The following PGBD5 variants were observed in gnomAD, a reference collection of about 807,000 sequenced individuals.
The protein encoded by PGBD5 is piggyBac transposable element derived 5.
PGBD5 carries 14 observed loss-of-function variants against 47.9 expected under a neutral mutation model. That is an observed-to-expected ratio of 0.29 (90% CI 0.19 to 0.46). PGBD5 has a LOEUF of 0.46. Ranked by LOEUF, PGBD5 falls within the 20% of genes least tolerant of loss-of-function variation. The pLI is 1.00. For synonymous variants in PGBD5, 316 were observed against 306.3 expected (o/e 1.03, Z -0.33); for missense variants, 635 against 716.0 (o/e 0.89, Z 1.29).
At chr1:230,332,505 C>T (rs942023121) in intron 5 of PGBD5, among the ~76,000 whole-genome samples, 6 of 152,180 alleles carry the variant, frequency 3.9e-5, no homozygotes, top group African/African-American at 2.4e-5. Context: ...TCCATCAGAA[C>T]GGATTTTTCA....
chr1:230,412,783 G>A (rs895596357), intron 1 of PGBD5, among the ~76,000 whole-genome samples: 1 of 152,182 alleles, frequency 6.6e-6, no homozygotes, highest in Non-Finnish European at 1.5e-5. Flanking sequence ...AGGGGTGGAG[G>A]TGGAAGAAAA....
At chr1:230,333,845 G>A (rs1056816137) in intron 4 of PGBD5, among the ~76,000 whole-genome samples, 5 of 152,134 alleles carry the variant, frequency 3.3e-5, no homozygotes, top group Non-Finnish European at 7.4e-5. Flanking sequence ...AACACCCACC[G>A]CGGACTTGCT....
chr1:230,364,156 C>A (rs1002824442), intron 1 of PGBD5, among the ~76,000 whole-genome samples: 1 of 152,236 alleles, frequency 6.6e-6, no homozygotes, highest in African/African-American at 2.4e-5. Context: ...AAACTTGATT[C>A]TCAGCTCTAT....
rs747306411 is a variant in PGBD5, at chr1:230,404,611, C to CA, written c.331+20986dup. Among the ~76,000 whole-genome samples, 421 of 100,306 alleles carry CA rather than the reference C, an allele frequency of 4.2e-3. 1 individual carries two copies. Among genetic ancestry groups the CA allele is most frequent in the East Asian group, 0.017 (67 of 3,830 alleles). 65.8% of individuals were successfully genotyped at this position (100,306 alleles called of 152,430 possible). ...GGTGAGACAGAGCAAAGTCTTGTCT[C>CA]AAAAAAAAAAAAAAAAAAATATATA... is the stretch of plus-strand genomic sequence containing the variant. On this transcript the variant is annotated intron_variant, in intron 1 of 6. Transcript: ENST00000391860.
chr1:230,332,730 G>T, intron 5 of PGBD5, 114 bp downstream of exon 5: 1 of 1,245,884 alleles, frequency 8.0e-7, no homozygotes. Flanking sequence ...AGGGTAGTCT[G>T]ACCCCAGAGC....
chr1:230,412,535 C>A (rs1657433672), intron 1 of PGBD5, among the ~76,000 whole-genome samples: 2 of 151,854 alleles, frequency 1.3e-5, no homozygotes, highest in Non-Finnish European at 2.9e-5. Context: ...ACTACAGGCA[C>A]CCACCACCAC....
intron 1 of PGBD5, among the ~76,000 whole-genome samples, chr1:230,365,386 C>G (rs1667811450): frequency 1.3e-5 from 2 of 151,746 alleles, no homozygotes; most frequent in South Asian, 4.2e-4. Flanking sequence ...GGTCACATGA[C>G]AAAGGGCTGG....
chr1:230,360,027 C>T (rs1011195494), intron 1 of PGBD5, among the ~76,000 whole-genome samples: 1 of 152,220 alleles, frequency 6.6e-6, no homozygotes, highest in Non-Finnish European at 1.5e-5. Flanking sequence ...TATTTCAGCA[C>T]AGCCTTGCAG....
intron 5 of PGBD5, among the ~76,000 whole-genome samples, chr1:230,326,156 G>T (rs1218885084): frequency 6.6e-6 from 1 of 152,224 alleles, no homozygotes; most frequent in Non-Finnish European, 1.5e-5. Context: ...GGTGGCTCAC[G>T]CCTGTAACCC....
rs1657771888 is a variant in PGBD5 at position 230,425,922 on chromosome 1, C to T, written c.7G>A (p.Glu3Lys). The T allele has an allele frequency of 9.2e-7, 1 of 1,087,864 alleles. No individual in the cohort carries two copies. 67.4% of individuals were successfully genotyped at this position (1,087,864 alleles called of 1,614,324 possible). The change falls in exon 1 of 7, where the codon GAG becomes AAG. Residue 3 changes from glutamate (E) to lysine (K), a missense_variant. By Grantham distance (56) the Glu-to-Lys change is moderately conservative (BLOSUM62 1). Transcript: ENST00000391860. This position sits in a 1 kb window ranked among gnomAD's most constrained non-coding sequence, Gnocchi z 4.7. The part of the protein sequence containing the change: MA[E>K]GGGGARRRAP... ...CTCCTCCGCGCGCCCCCGCCGCCCT[C>T]GGCCATGGCCCCGGCCGCCGCCCGC...
chr1:230,408,751 G>A (rs1296147051), intron 1 of PGBD5, among the ~76,000 whole-genome samples: 2 of 152,104 alleles, frequency 1.3e-5, no homozygotes, highest in African/African-American at 4.8e-5. Context: ...AAATGATCAA[G>A]CTCTTAGAAG....
intron 4 of PGBD5, 41 bp downstream of exon 4, chr1:230,337,067 G>A (rs533524284): frequency 1.3e-5 from 21 of 1,592,862 alleles, no homozygotes; most frequent in Admixed American, 5.1e-5. Context: ...TTTCCCAGGG[G>A]AGGCTGGGCC....
intron 3 of PGBD5, among the ~76,000 whole-genome samples, chr1:230,339,305 C>T (rs1226284634): frequency 6.6e-6 from 1 of 152,206 alleles, no homozygotes; most frequent in African/African-American, 2.4e-5. Context: ...AACACCTTCC[C>T]CGTCCAAACA....
intron 5 of PGBD5, among the ~76,000 whole-genome samples, chr1:230,328,974 T>TCA (rs1301404324): frequency 3.9e-5 from 6 of 152,008 alleles, no homozygotes; most frequent in Non-Finnish European, 5.9e-5. Flanking sequence ...ACTCTGTTGC[T>TCA]CAGACTGAAG....
rs534736791 is a variant in PGBD5, at chr1:230,401,818, C to T, written c.331+23780G>A. 7.9e-5 allele frequency among the ~76,000 whole-genome samples: 12 copies of T among 152,284 alleles called. 1 individual carries two copies. In the South Asian group the frequency reaches 2.1e-3, roughly 26 times the overall value. On this transcript the variant is annotated intron_variant, in intron 1 of 6. Coordinates refer to ENST00000391860, the MANE Select transcript of PGBD5 (RefSeq NM_001258311.2). ...GGCGCCCTGGCAACACAGGCAGGCGCGCTGCTCACCTCCCCATACGACACA... is the reference window on the plus strand; with the variant it reads ...GGCGCCCTGGCAACACAGGCAGGCGTGCTGCTCACCTCCCCATACGACACA...
chr1:230,348,676 G>T (rs1457181761), intron 3 of PGBD5, among the ~76,000 whole-genome samples: 1 of 152,204 alleles, frequency 6.6e-6, no homozygotes, highest in Non-Finnish European at 1.5e-5. Flanking sequence ...AAAAACAACT[G>T]TCCCCGGGTC....
chr1:230,396,481 C>T (rs568502974), intron 1 of PGBD5, among the ~76,000 whole-genome samples: 78 of 138,542 alleles, frequency 5.6e-4, no homozygotes, highest in African/African-American at 2.0e-3. Context: ...CCTACTTCCG[C>T]AGCCAGGGTC....
intron 1 of PGBD5, among the ~76,000 whole-genome samples, chr1:230,396,135 C>T (rs977346180): frequency 2.1e-5 from 3 of 142,938 alleles, no homozygotes; most frequent in African/African-American, 5.4e-5. Flanking sequence ...CCCTTTACCC[C>T]CCATACTCAT....
chr1:230,329,449 C>A (rs1667179318), intron 5 of PGBD5, among the ~76,000 whole-genome samples: 1 of 152,112 alleles, frequency 6.6e-6, no homozygotes, highest in Non-Finnish European at 1.5e-5. Flanking sequence ...CATAGTAGAA[C>A]AGAATATAAG....
Sources: gnomAD v4.1 joint callset for allele counts (sites outside exome capture counted in the v4.1 genomes callset) on GRCh38, gnomAD v4.1.1 for gene constraint, Gnocchi (gnomAD v3.1) non-coding constraint, MANE v1.5 for transcripts, NCBI Gene and HGNC (gene_info 2026-07-23, HGNC 2026-07-21) for gene names.